The following CPS1 variants were observed in gnomAD, a reference collection of about 807,000 sequenced individuals.
CPS1 encodes the protein carbamoyl-phosphate synthase [ammonia], mitochondrial.
A neutral mutation model predicts 174.6 loss-of-function variants in CPS1; 109 were observed. The observed-to-expected ratio is 0.62, with a 90% CI of 0.53 to 0.73. CPS1 has a LOEUF of 0.73. Ranked by LOEUF, CPS1 falls within the 30% of genes least tolerant of loss-of-function variation. CPS1 has a pLI of 0.00. For synonymous variants in CPS1, 637 were observed against 632.0 expected (o/e 1.01, Z -0.12); for missense variants, 1,689 against 1,821.9 (o/e 0.93, Z 1.33).
chr2:210,500,558 A>G (rs1042697055), intron 1 of CPS1, among the ~76,000 whole-genome samples: 4 of 152,170 alleles, frequency 2.6e-5, no homozygotes, highest in East Asian at 1.9e-4. Flanking sequence ...CCGACATTCA[A>G]TAGGGCAGTC....
intron 19 of CPS1, among the ~76,000 whole-genome samples, chr2:210,611,859 A>C (rs989082184): frequency 1.3e-5 from 2 of 151,808 alleles, no homozygotes; most frequent in Admixed American, 1.3e-4. Flanking sequence ...TGATTTCCTC[A>C]TCAATCTCAG....
intron 28 of CPS1, among the ~76,000 whole-genome samples, chr2:210,653,661 A>G (rs929766477): frequency 8.5e-5 from 13 of 152,180 alleles, no homozygotes; most frequent in African/African-American, 2.9e-4. Context: ...ACCAATAATA[A>G]TATGTCATTA....
chr2:210,597,724 A>G (rs1698536449), intron 13 of CPS1, among the ~76,000 whole-genome samples: 1 of 151,764 alleles, frequency 6.6e-6, no homozygotes, highest in South Asian at 2.1e-4. Context: ...TGTCACCCTC[A>G]TCTTGGTTTA....
chr2:210,678,120 T>C lies in CPS1; in HGVS notation c.*135T>C. ...CAGTTTACTTTGTTATGCCTTAATA[T>C]TCTGTGTCTTTTGCAATTAAATTGT... is the stretch of plus-strand genomic sequence containing the variant. On this transcript the variant is annotated 3_prime_UTR_variant, in exon 38 of 38. Transcript: ENST00000233072. The C allele has an allele frequency of 3.9e-6, 3 of 777,494 alleles. No homozygotes were observed. Among genetic ancestry groups the C allele is most frequent in the Non-Finnish European group, 7.0e-6 (3 of 428,466 alleles). The allele number at this position is 777,494 out of a possible 1,614,324, so 48.2% of individuals were successfully genotyped here. A position where few individuals can be genotyped will look rare whatever the true frequency, so the allele number is the denominator to read the frequency against.
intron 25 of CPS1, 25 bp downstream of exon 25, chr2:210,642,690 A>G (rs943230377): frequency 2.5e-6 from 4 of 1,598,438 alleles, no homozygotes; most frequent in Non-Finnish European, 3.4e-6. Context: ...ACAGAAAAAA[A>G]AGAAAAAAGA....
chr2:210,639,461 A>C (rs1700142248), intron 23 of CPS1, among the ~76,000 whole-genome samples: 1 of 149,898 alleles, frequency 6.7e-6, no homozygotes, highest in African/African-American at 2.5e-5. Flanking sequence ...AAATACAAAA[A>C]ATTAGCCGGG....
chr2:210,600,446 G>A, intron 14 of CPS1, 109 bp from the exon 15 acceptor site: 1 of 1,084,022 alleles, frequency 9.2e-7, no homozygotes, highest in Non-Finnish European at 1.4e-6. Context: ...TGTAGACAGT[G>A]GTAACTTCTC....
chr2:210,548,435 A>G (rs763193546), intron 1 of CPS1, among the ~76,000 whole-genome samples: 2 of 152,084 alleles, frequency 1.3e-5, no homozygotes, highest in Non-Finnish European at 2.9e-5. Context: ...ACAACATTAC[A>G]TATTTTTCTT....
At chr2:210,619,801 A>G (rs1699444202) in intron 21 of CPS1, 1 of 152,080 alleles carries the variant, frequency 6.6e-6, no homozygotes, top group Non-Finnish European at 1.5e-5. Flanking sequence ...TGAGCATATC[A>G]TTAAATTGAT....
At chr2:210,524,844 G>A (rs1695931513) in intron 1 of CPS1, among the ~76,000 whole-genome samples, 1 of 151,896 alleles carries the variant, frequency 6.6e-6, no homozygotes, top group Admixed American at 6.6e-5. Flanking sequence ...TTCTTTCTGT[G>A]CAAAACCTCC....
intron 3 of CPS1, 114 bp from the exon 4 acceptor site, chr2:210,577,307 C>T (rs534392800): frequency 2.6e-5 from 21 of 809,638 alleles, no homozygotes; most frequent in African/African-American, 1.6e-4. Flanking sequence ...TTTTAAAAAT[C>T]CTAAGTCTCA....
Position 210,677,935 on chromosome 2 carries a change from T to C in CPS1, c.4453T>C (p.Ser1485Pro), listed in dbSNP as rs1431365590. The C allele has an allele frequency of 6.2e-7, 1 of 1,613,990 alleles. No homozygotes were observed. The highest frequency in any genetic ancestry group is 1.3e-5 in the African/African-American group (1 of 74,914). ...TGTGCAGAAATCTCGCAAGGTGGAC[T>C]CCAAGAGTCTTTTCCACTACAGGCA... Reference protein sequence around the residue: ...EAVQKSRKVDSKSLFHYRQYS... With the variant: ...EAVQKSRKVDPKSLFHYRQYS... The change falls in exon 38 of 38, where the codon TCC becomes CCC. Residue 1485 changes from serine (S) to proline (P), a missense_variant. By Grantham distance (74) the Ser-to-Pro change is moderately conservative. Transcript: ENST00000233072.
At chr2:210,605,917 C>T (rs1447016494) in intron 17 of CPS1, among the ~76,000 whole-genome samples, 1 of 151,496 alleles carries the variant, frequency 6.6e-6, no homozygotes, top group Non-Finnish European at 1.5e-5. Context: ...ATTTATAGGG[C>T]AGGGGAAAGA....
At chr2:210,481,597 G>A (rs1694571675) in intron 1 of CPS1, among the ~76,000 whole-genome samples, 1 of 152,228 alleles carries the variant, frequency 6.6e-6, no homozygotes. Flanking sequence ...CCAACAGAGA[G>A]ATACTCAGGC....
chr2:210,661,871 T>G (rs1295785501), intron 32 of CPS1, among the ~76,000 whole-genome samples: 2 of 151,920 alleles, frequency 1.3e-5, no homozygotes, highest in Non-Finnish European at 1.5e-5. Context: ...ATATGAATTT[T>G]TAACTAAAAA....
intron 1 of CPS1, among the ~76,000 whole-genome samples, chr2:210,570,956 A>G (rs1697459832): frequency 6.6e-6 from 1 of 151,980 alleles, no homozygotes; most frequent in Non-Finnish European, 1.5e-5. Flanking sequence ...TACTTTCTAA[A>G]ATCTTCAACT....
At chr2:210,489,984 C>T (rs1388344841) in intron 1 of CPS1, among the ~76,000 whole-genome samples, 3 of 78,392 alleles carry the variant, frequency 3.8e-5, no homozygotes, top group East Asian at 6.9e-4. Context: ...GGTGACAGAG[C>T]GAGACTCTGT....
chr2:210,642,029 G>A (rs1395462285), intron 24 of CPS1, among the ~76,000 whole-genome samples: 1 of 152,156 alleles, frequency 6.6e-6, no homozygotes, highest in Non-Finnish European at 1.5e-5. Flanking sequence ...AGGCACCTCA[G>A]GGATCATTAG....
chr2:210,488,325 G>T (rs749217722), intron 1 of CPS1, among the ~76,000 whole-genome samples: 1 of 152,182 alleles, frequency 6.6e-6, no homozygotes, highest in Non-Finnish European at 1.5e-5. Context: ...GAGGGAAGAA[G>T]AGTCAGTTGT....
Sources: allele counts gnomAD v4.1 joint callset (sites outside exome capture counted in the v4.1 genomes callset), GRCh38; gene constraint gnomAD v4.1.1; transcripts MANE v1.5; gene names NCBI Gene and HGNC (gene_info 2026-07-23, HGNC 2026-07-21).